Variants in ARSG observed in about 807,000 individuals in gnomAD.
ARSG encodes the protein ASG.
In ARSG, 37 loss-of-function variants were observed where a neutral mutation model predicts 50.5. That is an observed-to-expected ratio of 0.73 (90% CI 0.56 to 0.96). The LOEUF (loss-of-function observed/expected upper bound fraction) is 0.96. Ranked by LOEUF, ARSG falls within the 50% of genes least tolerant of loss-of-function variation. The pLI is 0.00. For synonymous variants in ARSG, 225 were observed against 254.6 expected (o/e 0.88, Z 1.11); for missense variants, 629 against 675.3 (o/e 0.93, Z 0.76).
At chr17:68,428,776 A>G in the ARSG span, 6 of 1,413,418 alleles carry the variant, frequency 4.2e-6, no homozygotes, top group Middle Eastern at 1.8e-4. Context: ...CGAAGGGACA[A>G]CTCTACACGA....
the ARSG span, among the ~76,000 whole-genome samples, chr17:68,433,760 G>GT: frequency 0.01 from 758 of 72,806 alleles, 105 homozygotes; most frequent in Middle Eastern, 0.019. Flanking sequence ...AAGGGTCATA[G>GT]TTTTTTTTTT....
intron 1 of ARSG, chr17:68,273,984 C>A: frequency 6.2e-7 from 1 of 1,614,158 alleles, no homozygotes. Flanking sequence ...AAGGAGGCGG[C>A]CACCATCCCG....
In ARSG at chr17:68,307,417, C is replaced by T; in HGVS notation, c.-77C>T. The T allele has an allele frequency of 1.7e-6, 2 of 1,157,652 alleles. No individual in the cohort carries two copies. The highest frequency in any genetic ancestry group is 2.5e-6 in the Non-Finnish European group (2 of 789,648). The allele number at this position is 1,157,652 out of a possible 1,614,324, so 71.7% of individuals were successfully genotyped here. ...AGAGACTTCCTGCTTTGAAAGTGAG[C>T]AGAAAGGAAGCTCTCAGAAAAATCT... On this transcript the variant is annotated 5_prime_UTR_variant, in exon 2 of 12. Transcript: ENST00000621439.
At chr17:68,342,639 C>T (rs1323817758) in intron 2 of ARSG, among the ~76,000 whole-genome samples, 6 of 152,078 alleles carry the variant, frequency 3.9e-5, no homozygotes, top group Admixed American at 1.3e-4. Context: ...GGATTACAGG[C>T]GTGAGCCACC....
intron 3 of ARSG, chr17:68,346,773 G>T: frequency 1.5e-6 from 2 of 1,302,828 alleles, no homozygotes; most frequent in Non-Finnish European, 2.0e-6. Flanking sequence ...TGCCTTTGCA[G>T]GGCCCCAGCG....
intron 11 of ARSG, among the ~76,000 whole-genome samples, chr17:68,419,017 CAAAAAAA>C (rs3072871): frequency 1.6e-4 from 18 of 112,950 alleles, no homozygotes; most frequent in Admixed American, 2.9e-4. Context: ...ATAGCAAAGC[CAAAAAAA>C]AAAAAAAAAA....
chr17:68,392,260 G>A (rs1353799715), intron 9 of ARSG, among the ~76,000 whole-genome samples: 2 of 152,182 alleles, frequency 1.3e-5, no homozygotes, highest in Non-Finnish European at 2.9e-5. Context: ...TGTTGAAGGG[G>A]CAGCCTCTCT....
chr17:68,427,032 AC>A, downstream of ARSG: 2 of 939,404 alleles, frequency 2.1e-6, no homozygotes, highest in South Asian at 3.0e-5. Flanking sequence ...AGGGCACTCC[AC>A]CCCCAGGTAA....
At chr17:68,278,369 T>A in intron 1 of ARSG, 9 of 1,279,202 alleles carry the variant, frequency 7.0e-6, no homozygotes, top group Non-Finnish European at 9.0e-6. Flanking sequence ...AGCAATAGCA[T>A]GAGGATCGAT....
the ARSG span, among the ~76,000 whole-genome samples, chr17:68,434,059 C>T: frequency 6.6e-6 from 1 of 152,068 alleles, no homozygotes; most frequent in African/African-American, 2.4e-5. Context: ...CGTGAGCCAC[C>T]GCGCCCGGCC....
intron 9 of ARSG, among the ~76,000 whole-genome samples, chr17:68,387,022 A>G (rs1184987786): frequency 2.0e-5 from 3 of 151,128 alleles, no homozygotes; most frequent in Non-Finnish European, 4.4e-5. Context: ...GGTTTTTGCC[A>G]TTACTTTTAG....
chr17:68,394,987 G>A, intron 9 of ARSG, 86 bp from the exon 10 acceptor site: 8 of 1,579,854 alleles, frequency 5.1e-6, no homozygotes, highest in African/African-American at 1.3e-5. Flanking sequence ...TGCTTGCTCT[G>A]GGCTGGTTCA....
chr17:68,391,609 A>G (rs1421210366), intron 9 of ARSG, among the ~76,000 whole-genome samples: 2 of 152,204 alleles, frequency 1.3e-5, no homozygotes, highest in African/African-American at 2.4e-5. Context: ...GATTTGACCC[A>G]TCTGTGACGC....
chr17:68,356,752 A>G lies in ARSG; in HGVS notation c.652A>G (p.Ser218Gly), dbSNP rs1211929523. ...TGTGGAGCAGCCGGTGAACTTGAGC[A>G]GCCTTGCCCAGAAGTATGCTGAGAA... is the stretch of plus-strand genomic sequence containing the variant. ...NIVEQPVNLS[S>G]LAQKYAEKAT... Residue 218 changes from serine to glycine, a missense_variant, in exon 6 of 12, where the codon AGC (serine) becomes GGC (glycine). Physicochemically the swap from Ser to Gly is moderately conservative, Grantham distance 56. Transcript: ENST00000621439. 2.5e-6 allele frequency: 4 copies of G among 1,614,182 alleles called. No individual in the cohort carries two copies.
the ARSG span, among the ~76,000 whole-genome samples, chr17:68,451,242 C>T: frequency 1.3e-5 from 2 of 152,112 alleles, no homozygotes; most frequent in African/African-American, 4.8e-5. Context: ...ACCAGCCTGG[C>T]CAACATGGCG....
chr17:68,293,350 TCA>T (rs1555756982), intron 1 of ARSG, among the ~76,000 whole-genome samples: 1 of 152,170 alleles, frequency 6.6e-6, no homozygotes, highest in East Asian at 1.9e-4. Flanking sequence ...TCGAAGCAAG[TCA>T]CATAAAATCT....
downstream of ARSG, among the ~76,000 whole-genome samples, chr17:68,425,387 T>C (rs199756065): frequency 6.6e-4 from 98 of 148,220 alleles, no homozygotes; most frequent in East Asian, 0.017. Context: ...CTTTTCTTTT[T>C]TTTTTTTTTT....
At chr17:68,320,570 C>A (rs1326043587) in intron 2 of ARSG, among the ~76,000 whole-genome samples, 1 of 152,112 alleles carries the variant, frequency 6.6e-6, no homozygotes, top group Non-Finnish European at 1.5e-5. Flanking sequence ...TGCATTCTAG[C>A]AGTTGAGTAT....
intron 1 of ARSG, among the ~76,000 whole-genome samples, chr17:68,285,963 G>A (rs1393127405): frequency 2.6e-5 from 4 of 152,106 alleles, no homozygotes; most frequent in African/African-American, 9.7e-5. Flanking sequence ...GTTTCACCAT[G>A]TTGGCCAGGC....
Sources: gnomAD v4.1 joint callset for allele counts (sites outside exome capture counted in the v4.1 genomes callset) on GRCh38, gnomAD v4.1.1 for gene constraint, MANE v1.5 for transcripts, NCBI Gene and HGNC (gene_info 2026-07-23, HGNC 2026-07-21) for gene names.